The following GPR149 variants were observed in gnomAD, a reference collection of about 807,000 sequenced individuals.
GPR149 encodes the protein G protein-coupled receptor 149, also known as probable G protein-coupled receptor 149.
A neutral mutation model predicts 50.2 loss-of-function variants in GPR149; 50 were observed. The ratio of observed to expected loss-of-function variants is 1.00; its 90% CI spans 0.79 to 1.26. GPR149 has a LOEUF of 1.26. GPR149 is among the 50% of genes most tolerant of loss of function. GPR149 has a pLI of 0.00. For missense variants in GPR149, 983 were observed against 895.4 expected (o/e 1.10, Z -1.25); for synonymous variants, 405 against 358.2 (o/e 1.13, Z -1.48).
intron 3 of GPR149, among the ~76,000 whole-genome samples, chr3:154,394,412 A>T (rs1715242832): frequency 6.6e-6 from 1 of 152,110 alleles, no homozygotes; most frequent in Non-Finnish European, 1.5e-5. Flanking sequence ...AAGTGCTTAA[A>T]CATAAGTCCT....
At chr3:154,351,221 C>A (rs1166878586) in intron 3 of GPR149, among the ~76,000 whole-genome samples, 3 of 145,632 alleles carry the variant, frequency 2.1e-5, no homozygotes, top group Non-Finnish European at 4.5e-5. Context: ...CAAATATACC[C>A]AACTGACTTT....
intron 3 of GPR149, among the ~76,000 whole-genome samples, chr3:154,362,444 A>G (rs1388836821): frequency 6.6e-6 from 1 of 152,206 alleles, no homozygotes; most frequent in African/African-American, 2.4e-5. Flanking sequence ...AATTACAACT[A>G]AAGAAGCCAA....
chr3:154,389,005 A>G (rs1715108031), intron 3 of GPR149, among the ~76,000 whole-genome samples: 2 of 152,140 alleles, frequency 1.3e-5, no homozygotes, highest in Admixed American at 1.3e-4. Context: ...AAAGCTCCAT[A>G]AAAAGGTAAA....
chr3:154,419,347 T>C (rs1007831013), intron 3 of GPR149, among the ~76,000 whole-genome samples: 1 of 152,102 alleles, frequency 6.6e-6, no homozygotes, highest in African/African-American at 2.4e-5. Flanking sequence ...TAGTTATAGT[T>C]ATTTGACCCT....
rs973134608 is a variant in GPR149 at position 154,351,031 on chromosome 3, G to T, written c.1624-12760C>A. ...CATAATTTTGTATCTGAATATTTTTGATCCAAAGTTGGCTGAATTCACATA... is the reference window on the plus strand; with the variant it reads ...CATAATTTTGTATCTGAATATTTTTTATCCAAAGTTGGCTGAATTCACATA... On this transcript the variant is annotated intron_variant, in intron 3 of 3. Transcript: ENST00000389740. 2.2e-4 allele frequency among the ~76,000 whole-genome samples: 33 copies of T among 151,936 alleles called. 1 individual carries two copies. The highest frequency in any genetic ancestry group is 8.5e-4 in the Admixed American group (13 of 15,248).
intron 3 of GPR149, among the ~76,000 whole-genome samples, chr3:154,387,279 C>T (rs1279382802): frequency 6.6e-6 from 1 of 152,164 alleles, no homozygotes; most frequent in Non-Finnish European, 1.5e-5. Flanking sequence ...GCCTGTAACA[C>T]TTTTGCACAA....
chr3:154,356,863 C>T (rs532805136), intron 3 of GPR149, among the ~76,000 whole-genome samples: 10 of 152,188 alleles, frequency 6.6e-5, no homozygotes, highest in East Asian at 1.9e-4. Flanking sequence ...AAAAAGGGCC[C>T]GCATCGCCAA....
chr3:154,429,226 G>A lies in GPR149; in HGVS notation c.390C>T (p.Asn130=). Residue 130 remains asparagine (N), a synonymous_variant, in exon 1 of 4, where the codon AAC becomes AAT. Transcript: ENST00000389740. The part of the protein sequence containing the change: ...NLKATLLVSY[N]FYTMHRGVGS... ...CCACACCTCTGTGCATCGTATAAAA[G>A]TTGTAAGAGACTAGGAGAGTCGCCT... is the stretch of plus-strand genomic sequence containing the variant. The A allele has an allele frequency of 1.9e-6, 3 of 1,614,206 alleles. No individual in the cohort carries two copies. Among genetic ancestry groups the A allele is most frequent in the East Asian group, 2.2e-5 (1 of 44,864 alleles).
intron 3 of GPR149, among the ~76,000 whole-genome samples, chr3:154,359,768 G>C (rs995319479): frequency 1.1e-4 from 16 of 152,150 alleles, no homozygotes; most frequent in African/African-American, 2.9e-4. Flanking sequence ...AACACCCATA[G>C]TGTTTTTGCT....
Position 154,353,127 on chromosome 3 carries a change from G to A in GPR149, c.1624-14856C>T, listed in dbSNP as rs1714124703. 19 of 1,496,830 alleles carry A rather than the reference G, an allele frequency of 1.3e-5. No individual in the cohort carries two copies. In the South Asian group the frequency reaches 1.8e-4, roughly 14 times the overall value. 92.7% of individuals were successfully genotyped at this position (1,496,830 alleles called of 1,614,324 possible). On this transcript the variant is annotated intron_variant, in intron 3 of 3. Transcript: ENST00000389740. ...TATGTGTGGATTCATGGCCATTTCA[G>A]TTACATTCTTCCTGGTCTCACAGAA...
At chr3:154,397,159 G>A (rs1715312106) in intron 3 of GPR149, among the ~76,000 whole-genome samples, 1 of 152,082 alleles carries the variant, frequency 6.6e-6, no homozygotes, top group Admixed American at 6.6e-5. Flanking sequence ...GTCAAATTGG[G>A]AAGACCAGAC....
chr3:154,402,986 GA>G (rs2108419183), intron 3 of GPR149, among the ~76,000 whole-genome samples: 2 of 152,302 alleles, frequency 1.3e-5, no homozygotes, highest in East Asian at 3.9e-4. Context: ...AAAACATATT[GA>G]TTGCAAGGGC....
intron 3 of GPR149, among the ~76,000 whole-genome samples, chr3:154,406,316 G>A (rs1433883202): frequency 4.6e-5 from 7 of 152,168 alleles, no homozygotes; most frequent in Non-Finnish European, 1.0e-4. Flanking sequence ...ACACATTGCT[G>A]GTGGGAGTAG....
chr3:154,407,184 G>T (rs1711718052), intron 3 of GPR149, among the ~76,000 whole-genome samples: 1 of 152,118 alleles, frequency 6.6e-6, no homozygotes, highest in Non-Finnish European at 1.5e-5. Context: ...TGGAGACACA[G>T]CCAAACCACA....
At chr3:154,377,613 G>A (rs1310413523) in intron 3 of GPR149, among the ~76,000 whole-genome samples, 1 of 151,858 alleles carries the variant, frequency 6.6e-6, no homozygotes, top group Non-Finnish European at 1.5e-5. Flanking sequence ...TGATCCCTTC[G>A]TCTCTGCCTC....
intron 2 of GPR149, among the ~76,000 whole-genome samples, chr3:154,422,896 T>C (rs931125259): frequency 2.6e-5 from 4 of 151,812 alleles, no homozygotes; most frequent in African/African-American, 9.7e-5. Flanking sequence ...AAATTATTGA[T>C]GGGTTTCTAT....
At position 154,337,595 on chromosome 3, in the gene GPR149, T is replaced by C; in HGVS notation, c.*104A>G. 1.1e-6 allele frequency: 1 copy of C among 948,750 alleles called. No homozygotes were observed. Among genetic ancestry groups the C allele is most frequent in the South Asian group, 2.0e-5 (1 of 50,270 alleles). The allele number at this position is 948,750 out of a possible 1,614,324, so 58.8% of individuals were successfully genotyped here. A position where few individuals can be genotyped will look rare whatever the true frequency, so the allele number is the denominator to read the frequency against. The stretch of plus-strand genomic sequence containing the variant: ...AAATTAACTATTAAATCAGTAAAAC[T>C]AATGTAAGCCAACAAATAAAAGGAA... On this transcript the variant is annotated 3_prime_UTR_variant, in exon 4 of 4. Coordinates refer to ENST00000389740, the MANE Select transcript of GPR149 (RefSeq NM_001038705.3).
intron 3 of GPR149, chr3:154,353,539 T>C: frequency 1.1e-6 from 1 of 941,968 alleles, no homozygotes; most frequent in Non-Finnish European, 1.8e-6. Flanking sequence ...TGACCAGGGG[T>C]TCCAACCAAG....
chr3:154,378,679 A>G (rs952842443), intron 3 of GPR149, among the ~76,000 whole-genome samples: 2 of 152,226 alleles, frequency 1.3e-5, no homozygotes, highest in East Asian at 3.8e-4. Context: ...AGAATTTTAC[A>G]TTCCCACCAG....
Sources: allele counts gnomAD v4.1 joint callset (sites outside exome capture counted in the v4.1 genomes callset), GRCh38; gene constraint gnomAD v4.1.1; transcripts MANE v1.5; gene names NCBI Gene and HGNC (gene_info 2026-07-23, HGNC 2026-07-21).